ADAM22: variants seen among roughly 807,000 people sequenced by gnomAD.
The protein encoded by ADAM22 is disintegrin and metalloproteinase domain-containing protein 22.
Under a neutral mutation model 144.6 loss-of-function variants are expected in ADAM22, and 65 were observed. The observed-to-expected ratio is 0.45, with a 90% confidence interval of 0.37 to 0.55. ADAM22 has a LOEUF of 0.55. Among genes scored for constraint, ADAM22 ranks in the 20% least tolerant of loss-of-function variants. The pLI is 0.00. For synonymous variants in ADAM22, 391 were observed against 412.6 expected (o/e 0.95, Z 0.63); for missense variants, 974 against 1,184.9 (o/e 0.82, Z 2.61).
At chr7:88,178,346 TTTTGA>T (rs1380313181) in intron 26 of ADAM22, among the ~76,000 whole-genome samples, 3 of 152,152 alleles carry the variant, frequency 2.0e-5, no homozygotes, top group East Asian at 1.9e-4. Context: ...AAAATTACCT[TTTTGA>T]TTTAACTTTG....
At chr7:88,010,327 A>T (rs142105085) in intron 3 of ADAM22, among the ~76,000 whole-genome samples, 1 of 152,296 alleles carries the variant, frequency 6.6e-6, no homozygotes, top group African/African-American at 2.4e-5. Flanking sequence ...CAGGTGATGG[A>T]CACCCGCTTT....
At chr7:87,993,983 AAAAAC>A (rs1439462622) in intron 3 of ADAM22, among the ~76,000 whole-genome samples, 4 of 152,064 alleles carry the variant, frequency 2.6e-5, no homozygotes, top group African/African-American at 7.2e-5. Context: ...CATTTAGAGA[AAAAAC>A]AAAATCAGCT....
chr7:88,148,876 G>A, intron 17 of ADAM22, 101 bp from the exon 18 acceptor site: 1 of 865,432 alleles, frequency 1.2e-6, no homozygotes. Context: ...GTAGTTTAAG[G>A]TATTTCTAGC....
chr7:88,143,171 T>G (rs1468608671), intron 15 of ADAM22, 46 bp downstream of exon 15: 1 of 1,283,796 alleles, frequency 7.8e-7, no homozygotes, highest in South Asian at 1.3e-5. Context: ...TTATCAACCT[T>G]TCTAAAATAT....
chr7:87,934,659 G>T, intron 1 of ADAM22, 109 bp downstream of exon 1: 110 of 834,954 alleles, frequency 1.3e-4, no homozygotes, highest in Non-Finnish European at 1.8e-4. Flanking sequence ...TGCGCGGGGA[G>T]ATTTTTTTTT....
chr7:88,009,060 A>G (rs1794722518), intron 3 of ADAM22, among the ~76,000 whole-genome samples: 1 of 152,200 alleles, frequency 6.6e-6, no homozygotes, highest in African/African-American at 2.4e-5. Context: ...CCCTGTTATT[A>G]GTAATGCAAA....
At chr7:87,971,526 T>C (rs557393035) in intron 2 of ADAM22, among the ~76,000 whole-genome samples, 1 of 152,328 alleles carries the variant, frequency 6.6e-6, no homozygotes, top group South Asian at 2.1e-4. Flanking sequence ...GAAGTACCTG[T>C]TTAATAGTTT....
At chr7:88,155,539 A>AAAG (rs992193380) in intron 21 of ADAM22, among the ~76,000 whole-genome samples, 78 of 150,884 alleles carry the variant, frequency 5.2e-4, no homozygotes, top group African/African-American at 1.8e-3. Context: ...AAAAAAAAAA[A>AAAG]AAGAAGAAGA....
chr7:88,096,325 T>C (rs1388325566), intron 4 of ADAM22, among the ~76,000 whole-genome samples: 1 of 151,940 alleles, frequency 6.6e-6, no homozygotes, highest in African/African-American at 2.4e-5. Flanking sequence ...ATTTCCTTTT[T>C]TCTGCTCTGA....
At chr7:88,155,042 G>A (rs17341584) in intron 21 of ADAM22, among the ~76,000 whole-genome samples, 3,239 of 152,224 alleles carry the variant, frequency 0.021, 48 homozygotes, top group Middle Eastern at 0.031. Flanking sequence ...TATAAGTTAA[G>A]TTAGAATCAT....
At chr7:88,061,345 A>G (rs985401613) in intron 3 of ADAM22, among the ~76,000 whole-genome samples, 2 of 152,326 alleles carry the variant, frequency 1.3e-5, no homozygotes, top group Admixed American at 6.5e-5. Flanking sequence ...AATGGCATCT[A>G]GATGGGGCGA....
At chr7:87,950,225 T>A (rs2131379345) in intron 2 of ADAM22, among the ~76,000 whole-genome samples, 2 of 151,806 alleles carry the variant, frequency 1.3e-5, no homozygotes, top group South Asian at 4.2e-4. Flanking sequence ...GCCATGCTGG[T>A]GTGCTGCACC....
rs1186477049 is a variant in ADAM22 at position 88,155,884 on chromosome 7, C to T, written c.1788-3C>T. 5.0e-6 allele frequency: 8 copies of T among 1,611,254 alleles called. No homozygotes were observed. The Admixed American group carries it at 1.3e-4, about 27-fold the overall frequency. On this transcript the variant is annotated splice_polypyrimidine_tract_variant and splice_region_variant and intron_variant, in intron 21 of 31. Coordinates refer to ENST00000413139, the MANE Select transcript of ADAM22 (RefSeq NM_001324418.2). The stretch of plus-strand genomic sequence containing the variant: ...AGAAGTAATTGGTAATCTTTTGATA[C>T]AGGGATGTGCTTTGTGGTTACCTTT...
At chr7:87,976,133 G>C (rs998233321) in intron 2 of ADAM22, among the ~76,000 whole-genome samples, 1 of 152,208 alleles carries the variant, frequency 6.6e-6, no homozygotes, top group Non-Finnish European at 1.5e-5. Flanking sequence ...TGCTGGTCAA[G>C]TACTGAGGTC....
intron 3 of ADAM22, among the ~76,000 whole-genome samples, chr7:87,979,749 A>T (rs990505149): frequency 3.3e-5 from 5 of 152,144 alleles, no homozygotes; most frequent in African/African-American, 1.2e-4. Flanking sequence ...AGAGGATAGG[A>T]TTAGCCAGGA....
Position 88,075,646 on chromosome 7 carries a change from A to C in ADAM22, c.344A>C (p.Tyr115Ser), listed in dbSNP as rs749285258. The C allele has an allele frequency of 6.2e-7, 1 of 1,613,876 alleles. No homozygotes were observed. Residue 115 changes from tyrosine to serine, a missense_variant, in exon 4 of 32, where the codon TAC (tyrosine) becomes TCC (serine). Tyr to Ser is a moderately radical substitution (Grantham distance 144). Around this residue, in one of 2 missense-constraint regions of ADAM22, gnomAD observed 240 missense variants for 234.3 expected, o/e 1.02. Coordinates refer to ENST00000413139, the MANE Select transcript of ADAM22 (RefSeq NM_001324418.2). ...VLNHDLLSSE[Y>S]IERHIEHGGK... is the part of the protein sequence containing the mutation. ...TGCAGTGATTTGCTGTCCTCTGAATACATAGAGAGACACATTGAACATGGA... is the reference window on the plus strand; with the variant it reads ...TGCAGTGATTTGCTGTCCTCTGAATCCATAGAGAGACACATTGAACATGGA...
rs537771981 is a variant in ADAM22 at position 88,090,851 on chromosome 7, C to T, written c.390+15159C>T. On this transcript the variant is annotated intron_variant, in intron 4 of 31. Coordinates refer to ENST00000413139, the MANE Select transcript of ADAM22 (RefSeq NM_001324418.2). The stretch of plus-strand genomic sequence containing the variant: ...TGCAGATAGGGCCAACACAGGAAAC[C>T]GTGTCCCTTGGTTCCTGTGGGTTTG... 7.9e-5 allele frequency among the ~76,000 whole-genome samples: 12 copies of T among 152,202 alleles called. No homozygotes were observed. The South Asian group carries it at 2.3e-3, about 29-fold the overall frequency.
At chr7:88,032,380 G>A (rs754569081) in intron 3 of ADAM22, among the ~76,000 whole-genome samples, 26 of 152,238 alleles carry the variant, frequency 1.7e-4, no homozygotes, top group Non-Finnish European at 3.2e-4. Context: ...TTGGACTTGC[G>A]TGGGGCTTGT....
intron 4 of ADAM22, among the ~76,000 whole-genome samples, chr7:88,102,543 G>A (rs1485191968): frequency 6.6e-6 from 1 of 152,138 alleles, no homozygotes; most frequent in African/African-American, 2.4e-5. Flanking sequence ...GAATTTAAAA[G>A]CTCCCGGGTG....
Sources: gnomAD v4.1 joint callset for allele counts (sites outside exome capture counted in the v4.1 genomes callset) on GRCh38, gnomAD v4.1.1 for gene constraint, gnomAD v4.1.1 regional missense constraint, MANE v1.5 for transcripts, NCBI Gene and HGNC (gene_info 2026-07-23, HGNC 2026-07-21) for gene names.